The following GFRA2 variants were observed in gnomAD, a reference collection of about 807,000 sequenced individuals.
GFRA2 encodes the protein GDNF family receptor alpha 2, also known as GDNF family receptor alpha-2.
GFRA2 carries 17 observed loss-of-function variants against 48.3 expected under a neutral mutation model. The ratio of observed to expected loss-of-function variants is 0.35; its 90% CI spans 0.24 to 0.53. GFRA2 has a LOEUF of 0.53. Among genes scored for constraint, GFRA2 ranks in the 20% least tolerant of loss-of-function variants. GFRA2 has a pLI of 0.93. For missense variants in GFRA2, 660 were observed against 637.3 expected (o/e 1.04, Z -0.38); for synonymous variants, 305 against 257.2 (o/e 1.19, Z -1.78).
intron 3 of GFRA2, among the ~76,000 whole-genome samples, chr8:21,760,406 T>C (rs76191589): frequency 1.4e-3 from 207 of 152,218 alleles, no homozygotes; most frequent in African/African-American, 4.6e-3. Context: ...CCATTCTGCA[T>C]ATAATTTAGA....
chr8:21,699,209 G>C (rs1349063985), intron 7 of GFRA2, among the ~76,000 whole-genome samples: 2 of 152,204 alleles, frequency 1.3e-5, no homozygotes, highest in African/African-American at 4.8e-5. Flanking sequence ...CGGTCTCTCA[G>C]TCCCATGCTC....
chr8:21,759,930 G>A (rs1805816102), intron 3 of GFRA2, among the ~76,000 whole-genome samples: 1 of 151,866 alleles, frequency 6.6e-6, no homozygotes, highest in South Asian at 2.1e-4. Flanking sequence ...ATAAGAGAGG[G>A]GCCTTTCCGA....
chr8:21,787,366 T>A (rs1166976499), intron 1 of GFRA2, among the ~76,000 whole-genome samples: 11 of 152,146 alleles, frequency 7.2e-5, no homozygotes, highest in Non-Finnish European at 1.2e-4. Flanking sequence ...AAGCAAACTT[T>A]GGCCTCCCTC....
intron 4 of GFRA2, among the ~76,000 whole-genome samples, chr8:21,744,134 A>G (rs1804877491): frequency 6.6e-6 from 1 of 152,170 alleles, no homozygotes; most frequent in Non-Finnish European, 1.5e-5. Context: ...GCCAAGAATC[A>G]AACCCAGACC....
intron 1 of GFRA2, among the ~76,000 whole-genome samples, chr8:21,807,305 C>T (rs767463669): frequency 3.9e-5 from 6 of 152,184 alleles, no homozygotes; most frequent in Non-Finnish European, 7.3e-5. Flanking sequence ...CTTGCTCACT[C>T]TCACCCTCTC....
At chr8:21,745,452 G>A (rs750642392) in intron 4 of GFRA2, among the ~76,000 whole-genome samples, 33 of 152,238 alleles carry the variant, frequency 2.2e-4, no homozygotes, top group Non-Finnish European at 3.8e-4. Flanking sequence ...GCTTTCCCAG[G>A]ACACCCATCA....
intron 7 of GFRA2, among the ~76,000 whole-genome samples, chr8:21,701,628 G>A (rs561412062): frequency 4.6e-5 from 7 of 152,172 alleles, no homozygotes; most frequent in African/African-American, 1.4e-4. Flanking sequence ...GATTTGTAAC[G>A]CCTAACATTC....
intron 1 of GFRA2, among the ~76,000 whole-genome samples, chr8:21,787,887 C>T (rs1807361913): frequency 2.0e-5 from 3 of 152,054 alleles, no homozygotes; most frequent in African/African-American, 7.2e-5. Flanking sequence ...GGGGCTGGTT[C>T]GGATGTTGAG....
At chr8:21,704,911 A>G (rs1374278548) in intron 6 of GFRA2, 74 bp downstream of exon 6, 1 of 1,113,496 alleles carries the variant, frequency 9.0e-7, no homozygotes, top group Non-Finnish European at 1.3e-6. Context: ...ACGGAAGGAG[A>G]TGGGAATGGC....
chr8:21,799,135 T>C (rs1807727018), intron 2 of GFRA2, among the ~76,000 whole-genome samples: 1 of 152,124 alleles, frequency 6.6e-6, no homozygotes, highest in Admixed American at 6.5e-5. Flanking sequence ...TGGGAGTCAC[T>C]AGGGTCTAAC....
intron 4 of GFRA2, among the ~76,000 whole-genome samples, chr8:21,714,714 AT>A (rs1291716007): frequency 6.6e-6 from 1 of 152,148 alleles, no homozygotes; most frequent in African/African-American, 2.4e-5. Context: ...GAAGTAGCAT[AT>A]TTCACAATGA....
At chr8:21,749,552 A>G (rs1233447321) in intron 4 of GFRA2, among the ~76,000 whole-genome samples, 1 of 151,968 alleles carries the variant, frequency 6.6e-6, no homozygotes, top group Non-Finnish European at 1.5e-5. Context: ...ACTGGATCAT[A>G]TCTCAATACA....
intron 3 of GFRA2, among the ~76,000 whole-genome samples, chr8:21,766,652 C>G (rs1282898312): frequency 6.6e-6 from 1 of 150,602 alleles, no homozygotes; most frequent in Non-Finnish European, 1.5e-5. Flanking sequence ...CTTTCCATGG[C>G]TCCCCTAAGA....
At chr8:21,802,062 C>T (rs1807782030) in intron 2 of GFRA2, among the ~76,000 whole-genome samples, 1 of 152,240 alleles carries the variant, frequency 6.6e-6, no homozygotes, top group African/African-American at 2.4e-5. Context: ...GGACTCCTGA[C>T]TGGCAGTTTG....
intron 3 of GFRA2, among the ~76,000 whole-genome samples, chr8:21,769,893 A>G (rs1806364740): frequency 6.6e-6 from 1 of 152,174 alleles, no homozygotes; most frequent in East Asian, 1.9e-4. Context: ...TCCAAGAAGG[A>G]CCACAGGAGC....
intron 3 of GFRA2, among the ~76,000 whole-genome samples, chr8:21,762,487 C>G (rs1377537320): frequency 2.8e-4 from 42 of 152,178 alleles, no homozygotes; most frequent in Admixed American, 2.7e-3. Context: ...CATTCCCAGC[C>G]CTACCATGAC....
Position 21,762,822 on chromosome 8 carries a change from T to A in GFRA2, c.440-11880A>T, listed in dbSNP as rs542880529. 2.0e-4 allele frequency among the ~76,000 whole-genome samples: 30 copies of A among 151,820 alleles called. 1 individual carries two copies. In the South Asian group the frequency reaches 6.2e-3, roughly 32 times the overall value. On this transcript the variant is annotated intron_variant, in intron 3 of 8. Coordinates refer to ENST00000524240, the MANE Select transcript of GFRA2 (RefSeq NM_001495.5). ...AAATATAGTTTTGGTATTTGGGGGGTTTTTTAATATTTAGGGTTTTTACCA... is the reference window on the plus strand; with the variant it reads ...AAATATAGTTTTGGTATTTGGGGGGATTTTTAATATTTAGGGTTTTTACCA...
At chr8:21,794,233 CTTTTTTTTTTTT>C (rs1159236794) in intron 2 of GFRA2, among the ~76,000 whole-genome samples, 2 of 66,958 alleles carry the variant, frequency 3.0e-5, no homozygotes, top group African/African-American at 6.0e-5. Context: ...CTGAGAGTGA[CTTTTTTTTTTTT>C]TTTTTTTTTT....
At chr8:21,772,254 C>T (rs908044360) in intron 3 of GFRA2, among the ~76,000 whole-genome samples, 1 of 152,162 alleles carries the variant, frequency 6.6e-6, no homozygotes, top group African/African-American at 2.4e-5. Flanking sequence ...CTGTTCTCAC[C>T]TTCTTTCTGC....
Sources: gnomAD v4.1 joint callset for allele counts (sites outside exome capture counted in the v4.1 genomes callset) on GRCh38, gnomAD v4.1.1 for gene constraint, MANE v1.5 for transcripts, NCBI Gene and HGNC (gene_info 2026-07-23, HGNC 2026-07-21) for gene names.